COL14A1: variants seen among roughly 807,000 people sequenced by gnomAD.
The protein encoded by COL14A1 is collagen alpha-1(XIV) chain.
Under a neutral mutation model 230.3 loss-of-function variants are expected in COL14A1, and 136 were observed. The ratio of observed to expected loss-of-function variants is 0.59; its 90% CI spans 0.51 to 0.68. The LOEUF is 0.68. COL14A1 is among the 30% of genes least tolerant of loss of function. The pLI is 0.00. For synonymous variants in COL14A1, 792 were observed against 784.1 expected (o/e 1.01, Z -0.17); for missense variants, 1,976 against 2,215.8 (o/e 0.89, Z 2.17).
At chr8:120,206,907 G>A (rs1586765680) in intron 9 of COL14A1, 36 bp from the exon 10 acceptor site, 1 of 1,557,738 alleles carries the variant, frequency 6.4e-7, no homozygotes, top group African/African-American at 1.4e-5. Flanking sequence ...AATAACTTTG[G>A]GTAAGAGGTT....
intron 40 of COL14A1, among the ~76,000 whole-genome samples, chr8:120,319,637 A>G (rs963091966): frequency 6.6e-6 from 1 of 152,202 alleles, no homozygotes; most frequent in Non-Finnish European, 1.5e-5. Context: ...AACAAATAAT[A>G]AAAAGGAGAA....
chr8:120,238,629 C>G (rs1287615770), intron 19 of COL14A1, among the ~76,000 whole-genome samples: 5 of 152,166 alleles, frequency 3.3e-5, no homozygotes, highest in African/African-American at 1.2e-4. Context: ...TTCTGTCTCG[C>G]TGGCATTCCA....
At chr8:120,181,919 T>A (rs1197329957) in intron 5 of COL14A1, among the ~76,000 whole-genome samples, 1 of 152,104 alleles carries the variant, frequency 6.6e-6, no homozygotes, top group Non-Finnish European at 1.5e-5. Flanking sequence ...ACCACTGCAC[T>A]CCAGCCTAGG....
intron 42 of COL14A1, among the ~76,000 whole-genome samples, chr8:120,336,073 A>C (rs79017620): frequency 0.025 from 3,868 of 152,286 alleles, 139 homozygotes; most frequent in African/African-American, 0.083. Context: ...AGCACAATAC[A>C]TGTAAGATTA....
At chr8:120,360,651 C>A (rs1309210728) in intron 45 of COL14A1, among the ~76,000 whole-genome samples, 1 of 152,204 alleles carries the variant, frequency 6.6e-6, no homozygotes, top group Non-Finnish European at 1.5e-5. Context: ...CAGTTCTGTG[C>A]TCTCATATTC....
intron 19 of COL14A1, among the ~76,000 whole-genome samples, chr8:120,240,577 A>G (rs1818580810): frequency 2.0e-5 from 3 of 152,308 alleles, no homozygotes; most frequent in African/African-American, 4.8e-5. Context: ...AAGAAAGGAA[A>G]TGTGTCAAGA....
chr8:120,314,543 G>GA (rs1052702089), intron 38 of COL14A1, among the ~76,000 whole-genome samples: 4 of 151,614 alleles, frequency 2.6e-5, no homozygotes, highest in Admixed American at 2.6e-4. Context: ...TTGTACCATT[G>GA]AAAAAAAAGT....
At chr8:120,141,540 G>A (rs1814908401) in intron 1 of COL14A1, among the ~76,000 whole-genome samples, 1 of 151,586 alleles carries the variant, frequency 6.6e-6, no homozygotes, top group African/African-American at 2.4e-5. Flanking sequence ...AGCAGACCCT[G>A]TCTCAAAAAA....
intron 12 of COL14A1, among the ~76,000 whole-genome samples, chr8:120,211,017 T>A (rs1817602159): frequency 1.3e-5 from 2 of 151,650 alleles, no homozygotes; most frequent in East Asian, 1.9e-4. Flanking sequence ...AGCAAAAAAA[T>A]TTTAAAGTCT....
chr8:120,253,088 C>T (rs1460614402), intron 22 of COL14A1, among the ~76,000 whole-genome samples: 1 of 152,176 alleles, frequency 6.6e-6, no homozygotes, highest in Non-Finnish European at 1.5e-5. Context: ...CTCTGTTTTG[C>T]TCCTATGGCA....
At chr8:120,224,775 A>C (rs1261191626) in intron 14 of COL14A1, among the ~76,000 whole-genome samples, 1 of 152,204 alleles carries the variant, frequency 6.6e-6, no homozygotes, top group Non-Finnish European at 1.5e-5. Flanking sequence ...AGTGAAGCAA[A>C]AAACTGGCTG....
At chr8:120,203,013 T>TATATATATATATAC (rs1554606350) in intron 8 of COL14A1, among the ~76,000 whole-genome samples, 1 of 126,494 alleles carries the variant, frequency 7.9e-6, no homozygotes, top group African/African-American at 2.9e-5. Context: ...TATATATATA[T>TATATATATATATAC]ATATATATTT....
At chr8:120,249,035 C>T (rs1162900431) in intron 21 of COL14A1, among the ~76,000 whole-genome samples, 2 of 146,438 alleles carry the variant, frequency 1.4e-5, no homozygotes, top group Non-Finnish European at 3.0e-5. Flanking sequence ...ACGCCATTCT[C>T]CTGCCTCAGC....
chr8:120,334,430 A>G lies in COL14A1; in HGVS notation c.4785+1695A>G, dbSNP rs545874050. 1.0e-3 allele frequency among the ~76,000 whole-genome samples: 152 copies of G among 152,306 alleles called. 3 individuals carry two copies. In the South Asian group the frequency reaches 0.031, roughly 31 times the overall value. Reference sequence around the variant, plus strand: ...AGATCTCTTCTTTTTATATCAACCTAGTAATGGGTCACAGAAGAAAATCTG... The same window carrying G: ...AGATCTCTTCTTTTTATATCAACCTGGTAATGGGTCACAGAAGAAAATCTG... On this transcript the variant is annotated intron_variant, in intron 42 of 47. Transcript: ENST00000297848.
intron 1 of COL14A1, among the ~76,000 whole-genome samples, chr8:120,133,851 G>GA (rs1475828876): frequency 1.3e-5 from 2 of 151,700 alleles, no homozygotes; most frequent in African/African-American, 4.8e-5. Context: ...ATCATCTACA[G>GA]AAAAAATTAA....
At chr8:120,236,224 T>C (rs7017267) in intron 19 of COL14A1, among the ~76,000 whole-genome samples, 89,982 of 151,948 alleles carry the variant, frequency 0.59, 28,129 homozygotes, top group East Asian at 0.79. Context: ...GTGTTAAAGT[T>C]TCCTACTATT....
At chr8:120,339,268 G>A (rs529903237) in intron 42 of COL14A1, among the ~76,000 whole-genome samples, 1 of 152,318 alleles carries the variant, frequency 6.6e-6, no homozygotes, top group African/African-American at 2.4e-5. Context: ...TGGGATTACA[G>A]GCGTGAGCCA....
At chr8:120,276,484 T>C (rs1212754614) in intron 26 of COL14A1, among the ~76,000 whole-genome samples, 1 of 150,922 alleles carries the variant, frequency 6.6e-6, no homozygotes, top group Non-Finnish European at 1.5e-5. Context: ...TGTAACCAAA[T>C]ACCCTTGTAC....
At chr8:120,351,573 A>C (rs1475048758) in intron 45 of COL14A1, among the ~76,000 whole-genome samples, 1 of 133,408 alleles carries the variant, frequency 7.5e-6, no homozygotes, top group African/African-American at 3.0e-5. Flanking sequence ...CCGATCCCAC[A>C]GAAATACAAA....
Sources: allele counts gnomAD v4.1 joint callset (sites outside exome capture counted in the v4.1 genomes callset), GRCh38; gene constraint gnomAD v4.1.1; transcripts MANE v1.5; gene names NCBI Gene and HGNC (gene_info 2026-07-23, HGNC 2026-07-21).